The following FAM13C variants were observed in gnomAD, a reference collection of about 807,000 sequenced individuals.
FAM13C encodes the protein protein FAM13C.
In FAM13C, 37 loss-of-function variants were observed where a neutral mutation model predicts 73.2. The ratio of observed to expected loss-of-function variants is 0.51; its 90% CI spans 0.39 to 0.67. The LOEUF is 0.67. FAM13C is among the 30% of genes least tolerant of loss of function. The pLI is 0.00. For missense variants in FAM13C, 589 were observed against 715.6 expected (o/e 0.82, Z 2.02); for synonymous variants, 246 against 260.9 (o/e 0.94, Z 0.55).
intron 5 of FAM13C, among the ~76,000 whole-genome samples, chr10:59,296,392 A>G (rs1463766210): frequency 1.3e-5 from 2 of 152,210 alleles, no homozygotes; most frequent in Non-Finnish European, 2.9e-5. Context: ...TTCTTCATCG[A>G]TATCTTTGAC....
At chr10:59,287,336 C>CAAAAAAAAA (rs58759332) in intron 5 of FAM13C, among the ~76,000 whole-genome samples, 1 of 73,808 alleles carries the variant, frequency 1.4e-5, no homozygotes, top group Non-Finnish European at 2.3e-5. Context: ...GACTCTGTCT[C>CAAAAAAAAA]AAAAAAAAAA....
chr10:59,288,515 T>C (rs956186799), intron 5 of FAM13C, among the ~76,000 whole-genome samples: 5 of 152,140 alleles, frequency 3.3e-5, no homozygotes, highest in Non-Finnish European at 7.4e-5. Flanking sequence ...CCATCGGTTG[T>C]TCTCATCCAT....
chr10:59,344,367 C>A (rs527733740), intron 3 of FAM13C, among the ~76,000 whole-genome samples: 110 of 151,580 alleles, frequency 7.3e-4, no homozygotes, highest in Admixed American at 4.7e-3. Context: ...CAAGTTCCGC[C>A]CCCCAGGTTC....
At chr10:59,277,961 A>G (rs1022850710) in intron 6 of FAM13C, among the ~76,000 whole-genome samples, 16 of 152,198 alleles carry the variant, frequency 1.1e-4, no homozygotes, top group Admixed American at 6.5e-4. Flanking sequence ...TGATAAAGAC[A>G]TACCCAAGAC....
chr10:59,354,823 C>T (rs749245183), intron 2 of FAM13C, among the ~76,000 whole-genome samples: 1 of 151,990 alleles, frequency 6.6e-6, no homozygotes. Context: ...TAGAGCTTCA[C>T]ATCTTATCTT....
chr10:59,336,064 C>G (rs1344883997), intron 3 of FAM13C, among the ~76,000 whole-genome samples: 2 of 152,130 alleles, frequency 1.3e-5, no homozygotes, highest in Admixed American at 6.5e-5. Flanking sequence ...CTCTAAGTAA[C>G]TTAACCAAAG....
chr10:59,251,209 A>G (rs557174595), intron 13 of FAM13C: 17 of 326,878 alleles, frequency 5.2e-5, no homozygotes, highest in Non-Finnish European at 9.3e-5. Flanking sequence ...TTAGGGAGTA[A>G]CTTGTGGAAC....
chr10:59,303,193 C>G (rs980632287), intron 4 of FAM13C, among the ~76,000 whole-genome samples: 1 of 152,188 alleles, frequency 6.6e-6, no homozygotes, highest in African/African-American at 2.4e-5. Context: ...CCAGACTGCT[C>G]TCCCCTGGGA....
intron 5 of FAM13C, among the ~76,000 whole-genome samples, chr10:59,287,133 T>A (rs1443572822): frequency 6.6e-6 from 1 of 151,298 alleles, no homozygotes; most frequent in Non-Finnish European, 1.5e-5. Flanking sequence ...GGTCAGGACT[T>A]CGAGACCAGC....
chr10:59,277,651 C>G (rs556380677), intron 6 of FAM13C, among the ~76,000 whole-genome samples: 1 of 152,266 alleles, frequency 6.6e-6, no homozygotes, highest in East Asian at 1.9e-4. Flanking sequence ...AACCACAAAT[C>G]TAGATCTCTT....
chr10:59,320,292 T>C (rs2133996610), intron 4 of FAM13C, among the ~76,000 whole-genome samples: 1 of 152,250 alleles, frequency 6.6e-6, no homozygotes, highest in Middle Eastern at 3.4e-3. Flanking sequence ...CAAATATGTC[T>C]CCACACCAGA....
intron 6 of FAM13C, among the ~76,000 whole-genome samples, chr10:59,272,233 A>G (rs937517711): frequency 1.3e-5 from 2 of 152,194 alleles, no homozygotes; most frequent in Middle Eastern, 3.2e-3. Context: ...CCAATTCACT[A>G]TTGAAGGAAG....
intron 3 of FAM13C, among the ~76,000 whole-genome samples, chr10:59,342,533 G>C (rs1167885539): frequency 6.6e-6 from 1 of 152,078 alleles, no homozygotes; most frequent in Non-Finnish European, 1.5e-5. Flanking sequence ...ATTTCAGATA[G>C]ATAATGAATT....
intron 4 of FAM13C, among the ~76,000 whole-genome samples, chr10:59,322,583 C>A (rs284640): frequency 7.2e-5 from 11 of 152,010 alleles, no homozygotes; most frequent in African/African-American, 2.7e-4. Context: ...ATTGCTAACG[C>A]CATTTTCCCC....
intron 4 of FAM13C, among the ~76,000 whole-genome samples, chr10:59,318,646 G>A (rs1050729467): frequency 2.0e-5 from 3 of 150,948 alleles, no homozygotes; most frequent in South Asian, 2.1e-4. Context: ...CCACCAGGTT[G>A]TTTCTGCATC....
intron 6 of FAM13C, among the ~76,000 whole-genome samples, chr10:59,281,071 A>G (rs1844869344): frequency 6.6e-6 from 1 of 152,234 alleles, no homozygotes; most frequent in African/African-American, 2.4e-5. Context: ...ATATTTGTAT[A>G]CATGTAAGGC....
In FAM13C at chr10:59,252,801, G is replaced by A. The variant is rs372356307; in HGVS notation, c.1530C>T (p.Thr510=). ...ALSMSNLHEA[T]MPVLLDHLRE... is the part of the protein sequence containing the mutation. Reference sequence around the variant, plus strand: ...CCACACTTAGGATTCATACTCACATGGTAGCCTCATGTAAATTAGACATGG... The same window carrying A: ...CCACACTTAGGATTCATACTCACATAGTAGCCTCATGTAAATTAGACATGG... Residue 510 remains threonine (T), a splice_region_variant and synonymous_variant, in exon 12 of 14, where the codon ACC becomes ACT. Transcript: ENST00000618804. 9.2e-5 allele frequency: 149 copies of A among 1,613,358 alleles called. No homozygotes were observed. Among genetic ancestry groups the A allele is most frequent in the Non-Finnish European group, 1.2e-4 (147 of 1,179,756 alleles).
At chr10:59,304,083 G>T (rs1847928271) in intron 4 of FAM13C, among the ~76,000 whole-genome samples, 1 of 152,256 alleles carries the variant, frequency 6.6e-6, no homozygotes, top group Admixed American at 6.5e-5. Flanking sequence ...GGGAGGCGGA[G>T]GTTGCAATAA....
intron 5 of FAM13C, among the ~76,000 whole-genome samples, chr10:59,302,288 C>T (rs1847697581): frequency 6.6e-6 from 1 of 152,180 alleles, no homozygotes; most frequent in Admixed American, 6.5e-5. Flanking sequence ...AGCTAATTAA[C>T]ATCATGATGT....
Sources: allele counts gnomAD v4.1 joint callset (sites outside exome capture counted in the v4.1 genomes callset), GRCh38; gene constraint gnomAD v4.1.1; transcripts MANE v1.5; gene names NCBI Gene and HGNC (gene_info 2026-07-23, HGNC 2026-07-21).